ZNF142: variants seen among roughly 807,000 people sequenced by gnomAD.
ZNF142 encodes zinc finger protein 142.
A neutral mutation model predicts 132.1 loss-of-function variants in ZNF142; 96 were observed. The ratio of observed to expected loss-of-function variants is 0.73; its 90% CI spans 0.62 to 0.86. The LOEUF is 0.86. Among genes scored for constraint, ZNF142 ranks in the 40% least tolerant of loss-of-function variants. The pLI is 0.00. For missense variants in ZNF142, 2,163 were observed against 2,336.2 expected, an observed-to-expected ratio of 0.93 and a Z score of 1.53; for synonymous variants, 842 against 890.1, an observed-to-expected ratio of 0.95 and a Z score of 0.96.
In ZNF142 at chr2:218,644,150, G is replaced by T; in HGVS notation, c.2966C>A (p.Ala989Asp). 1 of 1,614,120 alleles carries T rather than the reference G, an allele frequency of 6.2e-7. No individual in the cohort carries two copies. Among genetic ancestry groups the T allele is most frequent in the Non-Finnish European group, 8.5e-7 (1 of 1,180,012 alleles). The stretch of plus-strand genomic sequence containing the variant: ...TAATGGGGGCAAGGGTGCTGTCTCA[G>T]CAGGTGGAGTTGTCTTGAAGGTTCC... ...WVGTFKTTPP[A>D]ETAPLPPLPE... Residue 989 changes from alanine to aspartate, a missense_variant, in exon 9 of 11, where the codon GCT becomes GAT. Physicochemically the swap from Ala to Asp is moderately radical, Grantham distance 126. Coordinates refer to ENST00000411696, the MANE Select transcript of ZNF142 (RefSeq NM_001379659.1). The surrounding 1 kb of genome is among the most constrained non-coding windows in gnomAD (Gnocchi z 4.6).
rs748906020 is a variant in ZNF142, at chr2:218,648,716, C to A, written c.1792G>T (p.Glu598Ter). 9.9e-6 allele frequency: 16 copies of A among 1,614,232 alleles called. No individual in the cohort carries two copies. Among genetic ancestry groups the A allele is most frequent in the Non-Finnish European group, 1.3e-5 (15 of 1,180,052 alleles). ...CACTCAGGACACTGGTGGATCTTTT[C>A]ATGAGCATGCATCTTGCCTACATGA... ...QDHVGKMHAHEKIHQCPECNF... is the reference protein window; with the variant it reads ...QDHVGKMHAH The change falls in exon 7 of 11, where the codon GAA (glutamate) becomes TAA (stop). Residue 598 changes from glutamate to a stop codon, truncating the protein, a stop_gained. Coordinates refer to ENST00000411696, the MANE Select transcript of ZNF142 (RefSeq NM_001379659.1). LOFTEE classifies it high-confidence loss of function.
At position 218,638,684 on chromosome 2, in the gene ZNF142, G is replaced by T. The variant is rs781446620; in HGVS notation, c.5319C>A (p.Ala1773=). The part of the protein sequence containing the change: ...RAFMCEQCGK[A]FKTRFLLRTH... Reference sequence around the variant, plus strand: ...TGCGCAGCAGGAAGCGCGTCTTGAAGGCCTTGCCACACTGCTCACACATGA... The same window carrying T: ...TGCGCAGCAGGAAGCGCGTCTTGAATGCCTTGCCACACTGCTCACACATGA... Residue 1773 remains alanine, a synonymous_variant, in exon 11 of 11, where the codon GCC becomes GCA. Coordinates refer to ENST00000411696, the MANE Select transcript of ZNF142 (RefSeq NM_001379659.1). 1 of 1,614,094 alleles carries T rather than the reference G, an allele frequency of 6.2e-7. No homozygotes were observed.
Position 218,635,786 on chromosome 2 carries a change from C to T in ZNF142, c.*2553G>A. On this transcript the variant is annotated 3_prime_UTR_variant, in exon 11 of 11. Transcript: ENST00000411696. ...CAGGAACTTGTGAGATTCCAGAGCC[C>T]TGACTACAGGTGATCAGCGGTCAGC... 5 of 1,610,356 alleles carry T rather than the reference C, an allele frequency of 3.1e-6. No homozygotes were observed. Among genetic ancestry groups the T allele is most frequent in the Non-Finnish European group, 3.4e-6 (4 of 1,178,378 alleles).
rs1696618543 is a variant in ZNF142 at position 218,634,813 on chromosome 2, GTTCCTT to G, written c.*3520_*3525del. 6.6e-6 allele frequency among the ~76,000 whole-genome samples: 1 copy of G among 152,198 alleles called. No homozygotes were observed. The highest frequency in any genetic ancestry group is 1.5e-5 in the Non-Finnish European group (1 of 68,032). On this transcript the variant is annotated 3_prime_UTR_variant, in exon 11 of 11. Coordinates refer to ENST00000411696, the MANE Select transcript of ZNF142 (RefSeq NM_001379659.1). This position sits in a 1 kb window ranked among gnomAD's most constrained non-coding sequence, Gnocchi z 4.0. ...TTCCTAATTGGGTAATGTTGGGCAA[GTTCCTT>G]AACCTCTCCATACCTCAGTCTGCTC...
Position 218,643,243 on chromosome 2 carries a change from C to G in ZNF142, c.3873G>C (p.Gly1291=), listed in dbSNP as rs927704071. 1.9e-6 allele frequency: 3 copies of G among 1,614,092 alleles called. No individual in the cohort carries two copies. In the African/African-American group the frequency reaches 4.0e-5, roughly 22 times the overall value. ...NGSTESSSGD[G]DTVLVQKQKG... Reference sequence around the variant, plus strand: ...TCTGCTTTTGAACCAGAACTGTATCCCCATCACCAGAGCTGGACTCTGTAC... The same window carrying G: ...TCTGCTTTTGAACCAGAACTGTATCGCCATCACCAGAGCTGGACTCTGTAC... Residue 1291 remains glycine (G), a synonymous_variant, in exon 9 of 11, where the codon GGG becomes GGC. Coordinates refer to ENST00000411696, the MANE Select transcript of ZNF142 (RefSeq NM_001379659.1).
In ZNF142 at chr2:218,638,629, G is replaced by C. The variant is rs1251420492; in HGVS notation, c.5374C>G (p.Pro1792Ala). ...THLRKHSEAK[P>A]YVCNVCHRAF... ...CGGTGGCACACATTGCACACATAGG[G>C]TTTGGCCTCACTGTGCTTGCGAAGG... Residue 1792 changes from proline to alanine, a missense_variant, in exon 11 of 11, where the codon CCC (proline) becomes GCC (alanine). Coordinates refer to ENST00000411696, the MANE Select transcript of ZNF142 (RefSeq NM_001379659.1). 6.2e-7 allele frequency: 1 copy of C among 1,614,244 alleles called. No homozygotes were observed.
Position 218,643,633 on chromosome 2 carries a change from A to G in ZNF142, c.3483T>C (p.Gly1161=). 6.4e-7 allele frequency: 1 copy of G among 1,552,534 alleles called. No individual in the cohort carries two copies. Among genetic ancestry groups the G allele is most frequent in the Non-Finnish European group, 8.7e-7 (1 of 1,152,266 alleles). ...AGTTTCCTGCAGGAGGGACTGGGGA[A>G]CCAGAGACTGTGGCAAGAGGCTCTT... The part of the protein sequence containing the change: ...ETEEPLATVS[G]SPVPPAGNSL... The change falls in exon 9 of 11, where the codon GGT becomes GGC. Residue 1161 remains glycine (G), a synonymous_variant. Transcript: ENST00000411696.
At chr2:218,639,774 G>A (rs1453135184) in intron 10 of ZNF142, among the ~76,000 whole-genome samples, 4 of 150,570 alleles carry the variant, frequency 2.7e-5, no homozygotes, top group Non-Finnish European at 4.4e-5. Flanking sequence ...ACTTAGGAGG[G>A]GCCGAGCATG....
chr2:218,653,267 A>C (rs140350439), intron 4 of ZNF142, among the ~76,000 whole-genome samples: 2 of 116,796 alleles, frequency 1.7e-5, no homozygotes, highest in Non-Finnish European at 3.6e-5. Flanking sequence ...CAAGAGAGAG[A>C]CTCTGTCTCA....
chr2:218,649,222 A>T lies in ZNF142; in HGVS notation c.1286T>A (p.Val429Glu), dbSNP rs1937743973. ...HHCPLCHYSA[V>E]ERNALNRHMA... The stretch of plus-strand genomic sequence containing the variant: ...GTGGCGGTTGAGTGCATTCCTCTCC[A>T]CCGCACTGTAGTGGCACAGTGGGCA... The change falls in exon 7 of 11, where the codon GTG (valine) becomes GAG (glutamate). Residue 429 changes from valine (V) to glutamate (E), a missense_variant. Transcript: ENST00000411696. 6.2e-7 allele frequency: 1 copy of T among 1,613,964 alleles called. No homozygotes were observed. The highest frequency in any genetic ancestry group is 8.5e-7 in the Non-Finnish European group (1 of 1,180,018).
At chr2:218,640,537 C>T in intron 10 of ZNF142, 127 bp downstream of exon 10, 1 of 788,734 alleles carries the variant, frequency 1.3e-6, no homozygotes, top group Non-Finnish European at 2.1e-6. Context: ...ACAACCCCAC[C>T]CTGCTGTCTA....
chr2:218,642,850 G>C lies in ZNF142; in HGVS notation c.4266C>G (p.His1422Gln). The stretch of plus-strand genomic sequence containing the variant: ...TGCAGGGGATGCGGCCAATGCCTGT[G>C]TGTCGGGACTGGTGAGCCTCTAACC... ...RYRLEAHQSR[H>Q]TGIGRIPCSS... Residue 1422 changes from histidine to glutamine, a missense_variant, in exon 9 of 11, where the codon CAC (histidine) becomes CAG (glutamine). Coordinates refer to ENST00000411696, the MANE Select transcript of ZNF142 (RefSeq NM_001379659.1). This position sits in a 1 kb window ranked among gnomAD's most constrained non-coding sequence, Gnocchi z 4.6. The C allele has an allele frequency of 1.2e-6, 2 of 1,614,200 alleles. No individual in the cohort carries two copies. The highest frequency in any genetic ancestry group is 1.7e-6 in the Non-Finnish European group (2 of 1,180,044).
At position 218,642,154 on chromosome 2, in the gene ZNF142, G is replaced by A. The variant is rs756892380; in HGVS notation, c.4962C>T (p.Cys1654=). Reference sequence around the variant, plus strand: ...TCTTGGTGCTGTAAGCACAATCGGTGCACTTGTAGAGACGAGTGCCCCCAT... The same window carrying A: ...TCTTGGTGCTGTAAGCACAATCGGTACACTTGTAGAGACGAGTGCCCCCAT... The part of the protein sequence containing the change: ...KGHGGTRLYK[C]TDCAYSTKNR... The change falls in exon 9 of 11, where the codon TGC becomes TGT. Residue 1654 remains cysteine (C), a synonymous_variant. Coordinates refer to ENST00000411696, the MANE Select transcript of ZNF142 (RefSeq NM_001379659.1). The surrounding 1 kb of genome is among the most constrained non-coding windows in gnomAD (Gnocchi z 4.6). The A allele has an allele frequency of 2.5e-6, 4 of 1,614,098 alleles. No homozygotes were observed. Among genetic ancestry groups the A allele is most frequent in the Non-Finnish European group, 3.4e-6 (4 of 1,180,044 alleles).
chr2:218,643,647 C>T lies in ZNF142; in HGVS notation c.3469G>A (p.Ala1157Thr), dbSNP rs774760755. 6.4e-7 allele frequency: 1 copy of T among 1,550,562 alleles called. No homozygotes were observed. Among genetic ancestry groups the T allele is most frequent in the Non-Finnish European group, 8.7e-7 (1 of 1,152,026 alleles). ...REPEETEEPL[A>T]TVSGSPVPPA... ...GGGACTGGGGAACCAGAGACTGTGG[C>T]AAGAGGCTCTTCTGTTTCTTCTGGC... Residue 1157 changes from alanine to threonine, a missense_variant, in exon 9 of 11, where the codon GCC becomes ACC. This residue lies in a region of ZNF142 where 809 missense variants were observed against 801.7 expected (regional missense o/e 1.01). Transcript: ENST00000411696.
Position 218,642,889 on chromosome 2 carries a change from G to A in ZNF142, c.4227C>T (p.Thr1409=). 1 of 1,614,112 alleles carries A rather than the reference G, an allele frequency of 6.2e-7. No individual in the cohort carries two copies. The highest frequency in any genetic ancestry group is 2.2e-5 in the East Asian group (1 of 44,882). ...GAGCCTCTAACCGGTACCGTCTGGT[G>A]GTCGAAAAGTCACAGAAGGGGCACT... is the stretch of plus-strand genomic sequence containing the variant. ...PHQCPFCDFS[T]TRRYRLEAHQ... is the part of the protein sequence containing the mutation. The change falls in exon 9 of 11, where the codon ACC becomes ACT. Residue 1409 remains threonine, a synonymous_variant. Coordinates refer to ENST00000411696, the MANE Select transcript of ZNF142 (RefSeq NM_001379659.1). The surrounding 1 kb of genome is among the most constrained non-coding windows in gnomAD (Gnocchi z 4.6).
chr2:218,646,914 C>T (rs1017390872), intron 7 of ZNF142, among the ~76,000 whole-genome samples: 1 of 152,090 alleles, frequency 6.6e-6, no homozygotes, highest in Non-Finnish European at 1.5e-5. Flanking sequence ...GCTTAAAGTC[C>T]ACTCTTGATT....
In ZNF142 at chr2:218,642,723, T is replaced by G; in HGVS notation, c.4393A>C (p.Ser1465Arg). The change falls in exon 9 of 11, where the codon AGT becomes CGT. Residue 1465 changes from serine (S) to arginine (R), a missense_variant. Physicochemically the swap from Ser to Arg is moderately radical, Grantham distance 110 (BLOSUM62 -1). This residue lies in a region of ZNF142 where 809 missense variants were observed against 801.7 expected (regional missense o/e 1.01). Coordinates refer to ENST00000411696, the MANE Select transcript of ZNF142 (RefSeq NM_001379659.1). This position sits in a 1 kb window ranked among gnomAD's most constrained non-coding sequence, Gnocchi z 4.6. The stretch of plus-strand genomic sequence containing the variant: ...GTGATGTCATGGCGAAGGTAGCCAC[T>G]ATAGTCACAAAGTGGACAGAAGTGG... ...PTHFCPLCDY[S>R]GYLRHDITRH... 6.2e-7 allele frequency: 1 copy of G among 1,614,174 alleles called. No individual in the cohort carries two copies. Among genetic ancestry groups the G allele is most frequent in the Non-Finnish European group, 8.5e-7 (1 of 1,180,042 alleles).
chr2:218,652,960 CTTTA>C (rs1035780314), intron 4 of ZNF142, among the ~76,000 whole-genome samples: 33 of 125,068 alleles, frequency 2.6e-4, no homozygotes, highest in African/African-American at 9.9e-4. Context: ...TCTGTTTGCT[CTTTA>C]TTGTTTTTTT....
At position 218,652,267 on chromosome 2, in the gene ZNF142, C is replaced by A. The variant is rs1385431086; in HGVS notation, c.314G>T (p.Cys105Phe). Residue 105 changes from cysteine to phenylalanine, a missense_variant, in exon 5 of 11, where the codon TGT becomes TTT. This residue lies in a region of ZNF142 where 195 missense variants were observed against 172.4 expected (regional missense o/e 1.13). Coordinates refer to ENST00000411696, the MANE Select transcript of ZNF142 (RefSeq NM_001379659.1). ...TGCGAAGCTCTGTTCACAGCGCTCA[C>A]AGAAGTACACCTCCACCACCTTTAC... ...VLVKVVEVYFCERCEQSFAEP... is the reference protein window; with the variant it reads ...VLVKVVEVYFFERCEQSFAEP... The A allele has an allele frequency of 2.2e-6, 1 of 456,890 alleles. No homozygotes were observed. Among genetic ancestry groups the A allele is most frequent in the Admixed American group, 2.3e-5 (1 of 42,562 alleles). 28.3% of individuals were successfully genotyped at this position (456,890 alleles called of 1,614,324 possible).
Sources: gnomAD v4.1 joint callset for allele counts (sites outside exome capture counted in the v4.1 genomes callset) on GRCh38, gnomAD v4.1.1 for gene constraint, gnomAD v4.1.1 regional missense constraint, Gnocchi (gnomAD v3.1) non-coding constraint, MANE v1.5 for transcripts, NCBI Gene and HGNC (gene_info 2026-07-23, HGNC 2026-07-21) for gene names.